Variants in OGA observed in about 807,000 individuals in gnomAD.
OGA encodes the protein protein O-GlcNAcase.
A neutral mutation model predicts 102.0 loss-of-function variants in OGA; 21 were observed. That is an observed-to-expected ratio of 0.21 (90% CI 0.15 to 0.30). The LOEUF is 0.30. Among genes scored for constraint, OGA ranks in the 10% least tolerant of loss-of-function variants. The pLI, the probability that OGA is intolerant of heterozygous loss-of-function variation, is 1.00. For synonymous variants in OGA, 408 were observed against 378.2 expected, an observed-to-expected ratio of 1.08 and a Z score of -0.91; for missense variants, 765 against 1,107.8, an observed-to-expected ratio of 0.69 and a Z score of 4.39.
rs756415870 is a variant in OGA at position 101,813,045 on chromosome 10, A to C, written c.334T>G (p.Ser112Ala). 2.7e-5 allele frequency: 43 copies of C among 1,610,398 alleles called. No homozygotes were observed. The highest frequency in any genetic ancestry group is 3.5e-5 in the Non-Finnish European group (41 of 1,177,600). The stretch of plus-strand genomic sequence containing the variant: ...AAAAGATTACCAGCTTCCTCCACTG[A>C]ATACATCTCTCGCCAAAACATCCTA... ...KHRMFWREMYSVEEAEQLMTL... is the reference protein window; with the variant it reads ...KHRMFWREMYAVEEAEQLMTL... The change falls in exon 3 of 16, where the codon TCA becomes GCA. Residue 112 changes from serine (S) to alanine (A), a missense_variant. Coordinates refer to ENST00000361464, the MANE Select transcript of OGA (RefSeq NM_012215.5).
intron 6 of OGA, among the ~76,000 whole-genome samples, chr10:101,805,042 C>T (rs2065450149): frequency 6.6e-6 from 1 of 151,962 alleles, no homozygotes; most frequent in African/African-American, 2.4e-5. Context: ...TATTTATTAA[C>T]TGAATTTTTT....
chr10:101,816,641 A>G (rs996478524), intron 1 of OGA, among the ~76,000 whole-genome samples: 3 of 152,190 alleles, frequency 2.0e-5, no homozygotes, highest in African/African-American at 7.2e-5. Context: ...CAATGCAATC[A>G]TTTTTGATGA....
chr10:101,813,845 A>G (rs1564651532), intron 1 of OGA, among the ~76,000 whole-genome samples: 1 of 152,148 alleles, frequency 6.6e-6, no homozygotes, highest in African/African-American at 2.4e-5. Context: ...CTACCATGAC[A>G]TTAGTTACTT....
intron 7 of OGA, among the ~76,000 whole-genome samples, chr10:101,803,282 T>C (rs2065419595): frequency 6.6e-6 from 1 of 152,062 alleles, no homozygotes. Flanking sequence ...CGAATGATTC[T>C]AGAGATAATG....
rs1340852650 is a variant in OGA at position 101,785,435 on chromosome 10, C to T, written c.*1016G>A. 1 of 152,646 alleles carries T rather than the reference C, an allele frequency of 6.6e-6. No homozygotes were observed. The highest frequency in any genetic ancestry group is 2.4e-5 in the African/African-American group (1 of 41,466). The allele number at this position is 152,646 out of a possible 1,614,324, so 9.5% of individuals were successfully genotyped here. A position where few individuals can be genotyped will look rare whatever the true frequency, so the allele number is the denominator to read the frequency against. ...GAGGGCAAATGGGACCAATCAGTCC[C>T]TGAACCCTACCTGACATGTCAAATC... is the stretch of plus-strand genomic sequence containing the variant. On this transcript the variant is annotated 3_prime_UTR_variant, in exon 16 of 16. Coordinates refer to ENST00000361464, the MANE Select transcript of OGA (RefSeq NM_012215.5).
intron 14 of OGA, among the ~76,000 whole-genome samples, chr10:101,788,661 G>T: frequency 6.6e-6 from 1 of 151,814 alleles, no homozygotes. Context: ...CTTGAACCTG[G>T]GAGGCGGAGG....
intron 12 of OGA, among the ~76,000 whole-genome samples, chr10:101,792,225 G>A (rs1489938302): frequency 6.6e-6 from 1 of 151,696 alleles, no homozygotes; most frequent in African/African-American, 2.4e-5. Context: ...TTTCACCATG[G>A]TCTCGATCTC....
At chr10:101,794,915 C>T (rs923878257) in intron 10 of OGA, among the ~76,000 whole-genome samples, 1 of 152,200 alleles carries the variant, frequency 6.6e-6, no homozygotes, top group Non-Finnish European at 1.5e-5. Flanking sequence ...AGCATTCTAC[C>T]TCCTGTTCAA....
intron 1 of OGA, among the ~76,000 whole-genome samples, chr10:101,813,872 AAAAC>A (rs2065588339): frequency 6.6e-6 from 1 of 152,192 alleles, no homozygotes; most frequent in South Asian, 2.1e-4. Flanking sequence ...TAGTTATTTT[AAAAC>A]AAACATCTAT....
chr10:101,802,978 TAAAAAAAAA>T (rs764237378), intron 7 of OGA, among the ~76,000 whole-genome samples: 53 of 68,596 alleles, frequency 7.7e-4, no homozygotes, highest in Middle Eastern at 9.1e-3. Flanking sequence ...GTCTCTACTT[TAAAAAAAAA>T]AAAAAAAAAA....
In OGA at chr10:101,811,278, A is replaced by G. The variant is rs185046879; in HGVS notation, c.350-964T>C. 3.8e-3 allele frequency among the ~76,000 whole-genome samples: 572 copies of G among 151,670 alleles called. 7 individuals carry two copies. The highest frequency in any genetic ancestry group is 0.029 in the Admixed American group (436 of 15,226). On this transcript the variant is annotated intron_variant, in intron 3 of 15. Coordinates refer to ENST00000361464, the MANE Select transcript of OGA (RefSeq NM_012215.5). Reference sequence around the variant, plus strand: ...GTGGCGCATACTTGTAATCCCAACTACTAGGGAGGCTGAGGCAGGAGAATT... The same window carrying G: ...GTGGCGCATACTTGTAATCCCAACTGCTAGGGAGGCTGAGGCAGGAGAATT...
chr10:101,787,626 C>T (rs2065206272), intron 14 of OGA, 103 bp from the exon 15 acceptor site: 2 of 906,388 alleles, frequency 2.2e-6, no homozygotes, highest in East Asian at 2.5e-5. Flanking sequence ...ATAACTCTTC[C>T]AGTCACTATG....
intron 1 of OGA, among the ~76,000 whole-genome samples, chr10:101,815,602 T>A (rs1447641910): frequency 6.6e-6 from 1 of 152,046 alleles, no homozygotes; most frequent in Non-Finnish European, 1.5e-5. Flanking sequence ...ATATTCTTGA[T>A]CAGGCAGACC....
rs756787691 is a variant in OGA at position 101,786,437 on chromosome 10, A to G, written c.*14T>C. ...GTTAAGAGACTTTTGGACAGTTCACAGTGTCAACAAATGTCACAGGCTCCG... is the reference window on the plus strand; with the variant it reads ...GTTAAGAGACTTTTGGACAGTTCACGGTGTCAACAAATGTCACAGGCTCCG... On this transcript the variant is annotated 3_prime_UTR_variant, in exon 16 of 16. Coordinates refer to ENST00000361464, the MANE Select transcript of OGA (RefSeq NM_012215.5). 118 of 1,600,040 alleles carry G rather than the reference A, an allele frequency of 7.4e-5. No homozygotes were observed. Among genetic ancestry groups the G allele is most frequent in the Non-Finnish European group, 9.2e-5 (108 of 1,174,494 alleles).
rs760265011 is a variant in OGA, at chr10:101,798,179, C to CA, written c.1810-26dup. ...TCTATTGAAGATCAATAAAAAGACT[C>CA]AAAAAACTGTAAGCTTAACAAAATA... On this transcript the variant is annotated intron_variant, in intron 9 of 15. Coordinates refer to ENST00000361464, the MANE Select transcript of OGA (RefSeq NM_012215.5). The CA allele has an allele frequency of 3.7e-6, 6 of 1,603,220 alleles. No individual in the cohort carries two copies. The African/African-American group carries it at 6.7e-5, about 18-fold the overall frequency.
chr10:101,817,791 G>A (rs1223280808), intron 1 of OGA, 33 bp downstream of exon 1: 1 of 1,534,776 alleles, frequency 6.5e-7, no homozygotes, highest in Non-Finnish European at 8.7e-7. Context: ...GAACGTGTTA[G>A]TGCCAAAACG....
At chr10:101,796,584 A>T (rs1370669545) in intron 10 of OGA, among the ~76,000 whole-genome samples, 1 of 150,188 alleles carries the variant, frequency 6.7e-6, no homozygotes, top group Admixed American at 6.7e-5. Context: ...TTATTTATTT[A>T]TTTTGAGATG....
At chr10:101,803,538 T>A (rs1298050533) in intron 7 of OGA, among the ~76,000 whole-genome samples, 197 bp downstream of exon 7, 1 of 151,276 alleles carries the variant, frequency 6.6e-6, no homozygotes, top group Non-Finnish European at 1.5e-5. Context: ...ATCATATACA[T>A]CTTCATCAAC....
At chr10:101,810,994 C>CT (rs940574452) in intron 3 of OGA, among the ~76,000 whole-genome samples, 70 of 144,824 alleles carry the variant, frequency 4.8e-4, no homozygotes, top group Non-Finnish European at 5.9e-4. Context: ...CTGGATCTTG[C>CT]TTTTTTTTTT....
Sources: gnomAD v4.1 joint callset for allele counts (sites outside exome capture counted in the v4.1 genomes callset) on GRCh38, gnomAD v4.1.1 for gene constraint, MANE v1.5 for transcripts, NCBI Gene and HGNC (gene_info 2026-07-23, HGNC 2026-07-21) for gene names.